F13B: variants seen among roughly 807,000 people sequenced by gnomAD.
F13B encodes the protein coagulation factor XIII B chain.
In F13B, 58 loss-of-function variants were observed where a neutral mutation model predicts 79.8. That is an observed-to-expected ratio of 0.73 (90% CI 0.59 to 0.90). F13B has a LOEUF of 0.90. Among genes scored for constraint, F13B ranks in the 40% least tolerant of loss-of-function variants. The pLI is 0.00. For synonymous variants in F13B, 283 were observed against 260.3 expected, an observed-to-expected ratio of 1.09 and a Z score of -0.84; for missense variants, 773 against 777.0, an observed-to-expected ratio of 0.99 and a Z score of 0.06.
At chr1:197,040,376 T>C in intron 11 of F13B, 146 bp downstream of exon 11, 1 of 624,450 alleles carries the variant, frequency 1.6e-6, no homozygotes, top group Non-Finnish European at 2.8e-6. Flanking sequence ...GTTGTTTGTT[T>C]GGTGTAAAAA....
At chr1:197,056,381 T>G (rs1397618072) in intron 7 of F13B, among the ~76,000 whole-genome samples, 1 of 152,152 alleles carries the variant, frequency 6.6e-6, no homozygotes, top group East Asian at 1.9e-4. Context: ...TCTTATTTAA[T>G]AAATATCCTA....
At chr1:197,052,579 G>A (rs1051763497) in intron 9 of F13B, 55 bp downstream of exon 9, 38 of 1,179,758 alleles carry the variant, frequency 3.2e-5, no homozygotes, top group African/African-American at 6.0e-5. Context: ...ATTTTCAACC[G>A]AGGTAGCAGA....
intron 10 of F13B, among the ~76,000 whole-genome samples, chr1:197,044,537 A>C (rs988611706): frequency 2.0e-5 from 3 of 152,290 alleles, no homozygotes; most frequent in African/African-American, 7.2e-5. Flanking sequence ...AAAGAGATTT[A>C]GACTCCCACA....
In F13B at chr1:197,050,866, C is replaced by T. The variant is rs145703189; in HGVS notation, c.1569G>A (p.Met523Ile). 40 of 1,612,752 alleles carry T rather than the reference C, an allele frequency of 2.5e-5. No individual in the cohort carries two copies. Among genetic ancestry groups the T allele is most frequent in the Non-Finnish European group, 3.2e-5 (38 of 1,179,316 alleles). Residue 523 changes from methionine to isoleucine, a missense_variant, in exon 10 of 12, where the codon ATG (methionine) becomes ATA (isoleucine). Coordinates refer to ENST00000367412, the MANE Select transcript of F13B (RefSeq NM_001994.3). ...GTTTAATAAGAGGAGGAGATGTGCA[C>T]ATTCCTTTAGATTCTGCAAAAATAA... ...PLCTRKESKG[M>I]CTSPPLIKHG...
At chr1:197,058,431 C>G (rs2125069401) in intron 5 of F13B, among the ~76,000 whole-genome samples, 1 of 152,300 alleles carries the variant, frequency 6.6e-6, no homozygotes, top group Non-Finnish European at 1.5e-5. Context: ...GTCAGTTTCA[C>G]TGGACTAAAA....
intron 5 of F13B, among the ~76,000 whole-genome samples, chr1:197,059,000 G>A (rs185362873): frequency 1.3e-5 from 2 of 152,096 alleles, no homozygotes; most frequent in South Asian, 4.2e-4. Flanking sequence ...GATCACCTGA[G>A]GTCAGGAGTT....
rs953637723 is a variant in F13B at position 197,052,985 on chromosome 1, G to T, written c.1355-151C>A. ...TTCTCTCACACACATATATATATAA[G>T]AAAATATATACTTTATTACTATCAA... On this transcript the variant is annotated intron_variant, in intron 8 of 11. Coordinates refer to ENST00000367412, the MANE Select transcript of F13B (RefSeq NM_001994.3). 7.2e-6 allele frequency: 4 copies of T among 553,420 alleles called. No homozygotes were observed. In the African/African-American group the frequency reaches 7.6e-5, roughly 10 times the overall value. The allele number at this position is 553,420 out of a possible 1,614,324, so 34.3% of individuals were successfully genotyped here.
chr1:197,047,763 G>A (rs1655287512), intron 10 of F13B, among the ~76,000 whole-genome samples: 1 of 152,100 alleles, frequency 6.6e-6, no homozygotes, highest in African/African-American at 2.4e-5. Context: ...ATGATAGACT[G>A]GATTAAGAAA....
chr1:197,045,446 C>T (rs1020100158), intron 10 of F13B, among the ~76,000 whole-genome samples: 1 of 152,056 alleles, frequency 6.6e-6, no homozygotes, highest in Non-Finnish European at 1.5e-5. Flanking sequence ...TACACCCTTC[C>T]AAGACTAAAC....
intron 9 of F13B, among the ~76,000 whole-genome samples, chr1:197,051,553 G>C (rs932988485): frequency 5.9e-5 from 9 of 152,094 alleles, no homozygotes; most frequent in Non-Finnish European, 1.0e-4. Flanking sequence ...ACAAGAAGGT[G>C]ATCAATTCTC....
chr1:197,047,619 G>A (rs772949483), intron 10 of F13B, among the ~76,000 whole-genome samples: 35 of 152,160 alleles, frequency 2.3e-4, no homozygotes, highest in Non-Finnish European at 4.4e-4. Flanking sequence ...AATACCATTT[G>A]ACCTAGTGAT....
chr1:197,045,531 C>CA (rs1458372992), intron 10 of F13B, among the ~76,000 whole-genome samples: 1 of 151,872 alleles, frequency 6.6e-6, no homozygotes, highest in Non-Finnish European at 1.5e-5. Context: ...GCCTACAAAT[C>CA]AAAAAAAGCC....
At chr1:197,057,583 G>A in intron 5 of F13B, 118 bp from the exon 6 acceptor site, 1 of 1,094,226 alleles carries the variant, frequency 9.1e-7, no homozygotes, top group East Asian at 2.6e-5. Flanking sequence ...GATTCTAGGA[G>A]CATTCCTTTG....
chr1:197,049,456 T>C (rs537347920), intron 10 of F13B, among the ~76,000 whole-genome samples: 1 of 152,204 alleles, frequency 6.6e-6, no homozygotes, highest in South Asian at 2.1e-4. Flanking sequence ...ATGTCATAAC[T>C]ACTTTATGTT....
intron 10 of F13B, among the ~76,000 whole-genome samples, chr1:197,048,354 T>C (rs958386838): frequency 1.6e-4 from 24 of 151,892 alleles, no homozygotes; most frequent in Non-Finnish European, 5.9e-5. Flanking sequence ...TGCATAAGTA[T>C]ATTTTAAAAT....
intron 5 of F13B, 134 bp downstream of exon 5, chr1:197,060,232 A>G: frequency 1.7e-6 from 1 of 594,174 alleles, no homozygotes; most frequent in Admixed American, 3.2e-5. Flanking sequence ...GCACTGATTT[A>G]AAAGATAATA....
chr1:197,055,631 A>C (rs1655612320), intron 8 of F13B, 84 bp downstream of exon 8: 1 of 1,414,336 alleles, frequency 7.1e-7, no homozygotes, highest in Non-Finnish European at 1.0e-6. Flanking sequence ...ATTTGTACAA[A>C]ATCATCATTT....
intron 2 of F13B, 84 bp from the exon 3 acceptor site, chr1:197,062,053 G>A: frequency 8.6e-7 from 1 of 1,163,594 alleles, no homozygotes; most frequent in East Asian, 2.5e-5. Context: ...AAAGTATAAT[G>A]TTATTATTGG....
At position 197,067,208 on chromosome 1, in the gene F13B, G is replaced by A; in HGVS notation, c.16C>T (p.Leu6=). The stretch of plus-strand genomic sequence containing the variant: ...ATTATCAATATGATGATAAAAGTCA[G>A]GTTTTTCAACCTCATCTTCAGTGGT... MRLKN[L]TFIIILIISG... Residue 6 remains leucine, a synonymous_variant, in exon 1 of 12, where the codon CTG becomes TTG. Coordinates refer to ENST00000367412, the MANE Select transcript of F13B (RefSeq NM_001994.3). 1 of 1,609,572 alleles carries A rather than the reference G, an allele frequency of 6.2e-7. No individual in the cohort carries two copies. Among genetic ancestry groups the A allele is most frequent in the African/African-American group, 1.3e-5 (1 of 74,886 alleles).
Sources: gnomAD v4.1 joint callset for allele counts (sites outside exome capture counted in the v4.1 genomes callset) on GRCh38, gnomAD v4.1.1 for gene constraint, MANE v1.5 for transcripts, NCBI Gene and HGNC (gene_info 2026-07-23, HGNC 2026-07-21) for gene names.